The following CACNA2D3 variants were observed in gnomAD, a reference collection of about 807,000 sequenced individuals.
CACNA2D3 encodes the protein calcium voltage-gated channel auxiliary subunit alpha2delta 3, also known as voltage-dependent calcium channel subunit alpha-2/delta-3.
CACNA2D3 carries 60 observed loss-of-function variants against 160.6 expected under a neutral mutation model. That is an observed-to-expected ratio of 0.37 (90% CI 0.30 to 0.46). CACNA2D3 has a LOEUF of 0.46. CACNA2D3 is among the 20% of genes least tolerant of loss of function. CACNA2D3 has a pLI of 1.00. For missense variants in CACNA2D3, 1,205 were observed against 1,365.0 expected, an observed-to-expected ratio of 0.88 and a Z score of 1.85; for synonymous variants, 558 against 492.9, an observed-to-expected ratio of 1.13 and a Z score of -1.75.
Position 54,312,788 on chromosome 3 carries a change from T to G in CACNA2D3, c.205-7654T>G, listed in dbSNP as rs1703769879. Among the ~76,000 whole-genome samples, 3 of 152,188 alleles carry G rather than the reference T, an allele frequency of 2.0e-5. No individual in the cohort carries two copies. In the East Asian group the frequency reaches 5.8e-4, roughly 29 times the overall value. On this transcript the variant is annotated intron_variant, in intron 2 of 37. Coordinates refer to ENST00000474759, the MANE Select transcript of CACNA2D3 (RefSeq NM_018398.3). ...TTTGTGACAGAGAGAATACAAAGTT[T>G]CTCAGGCTTGCCTTTCTTCCATGTC... is the stretch of plus-strand genomic sequence containing the variant.
At chr3:54,510,645 A>C (rs564045612) in intron 5 of CACNA2D3, among the ~76,000 whole-genome samples, 19 of 152,256 alleles carry the variant, frequency 1.2e-4, no homozygotes, top group Non-Finnish European at 1.9e-4. Context: ...TCCCAGAGCT[A>C]TCAAGGAGTC....
chr3:54,290,351 A>G (rs1559910836), intron 2 of CACNA2D3, among the ~76,000 whole-genome samples: 2 of 152,194 alleles, frequency 1.3e-5, no homozygotes, highest in Admixed American at 6.5e-5. Flanking sequence ...AATCAAAACC[A>G]CATTGAGATA....
At chr3:54,334,528 G>A (rs564229496) in intron 3 of CACNA2D3, among the ~76,000 whole-genome samples, 6 of 152,306 alleles carry the variant, frequency 3.9e-5, no homozygotes, top group South Asian at 4.1e-4. Context: ...CACTGACAGT[G>A]AGACCTGAAC....
At chr3:54,559,888 C>T (rs968329330) in intron 5 of CACNA2D3, among the ~76,000 whole-genome samples, 2 of 152,162 alleles carry the variant, frequency 1.3e-5, no homozygotes, top group Non-Finnish European at 2.9e-5. Context: ...GGATAATGGC[C>T]TGCAGTTCCA....
intron 3 of CACNA2D3, among the ~76,000 whole-genome samples, chr3:54,380,876 A>C (rs559753343): frequency 4.6e-5 from 7 of 152,308 alleles, no homozygotes; most frequent in African/African-American, 1.7e-4. Context: ...TTGTTGATTC[A>C]AAGGAAAAGT....
intron 11 of CACNA2D3, among the ~76,000 whole-genome samples, chr3:54,652,739 A>T (rs1699796657): frequency 1.4e-5 from 2 of 144,342 alleles, no homozygotes; most frequent in Non-Finnish European, 3.0e-5. Flanking sequence ...GCACAGTGAG[A>T]TGTTGGGATG....
At chr3:55,000,469 A>G (rs1179529613) in intron 31 of CACNA2D3, among the ~76,000 whole-genome samples, 2 of 152,238 alleles carry the variant, frequency 1.3e-5, no homozygotes, top group Non-Finnish European at 2.9e-5. Flanking sequence ...CTTAAAACCT[A>G]GATGATGGGT....
chr3:54,150,671 A>G (rs1188612417), intron 2 of CACNA2D3, among the ~76,000 whole-genome samples: 3 of 152,266 alleles, frequency 2.0e-5, no homozygotes, highest in Non-Finnish European at 4.4e-5. Flanking sequence ...GCCATGGTCA[A>G]ATTACCCTGG....
chr3:54,335,463 A>T (rs1228865518), intron 3 of CACNA2D3, among the ~76,000 whole-genome samples: 3 of 152,210 alleles, frequency 2.0e-5, no homozygotes, highest in Non-Finnish European at 4.4e-5. Flanking sequence ...TGACATTGCC[A>T]TGGCATTTGT....
At chr3:54,781,715 T>G (rs1445367939) in intron 13 of CACNA2D3, among the ~76,000 whole-genome samples, 2 of 152,238 alleles carry the variant, frequency 1.3e-5, no homozygotes, top group African/African-American at 4.8e-5. Flanking sequence ...GTAACAAGTC[T>G]CAGGCCAATT....
At chr3:55,057,601 G>T (rs1044784808) in intron 35 of CACNA2D3, among the ~76,000 whole-genome samples, 6 of 152,250 alleles carry the variant, frequency 3.9e-5, no homozygotes, top group Non-Finnish European at 8.8e-5. Context: ...AGGGATCTTA[G>T]AAATCACTTA....
At chr3:54,883,996 C>T (rs78946838) in intron 21 of CACNA2D3, among the ~76,000 whole-genome samples, 3,483 of 152,074 alleles carry the variant, frequency 0.023, 128 homozygotes, top group African/African-American at 0.079. Flanking sequence ...CAGTAATTTT[C>T]GTTTTGTTTT....
At chr3:54,730,255 T>A (rs1195187216) in intron 11 of CACNA2D3, among the ~76,000 whole-genome samples, 1 of 152,106 alleles carries the variant, frequency 6.6e-6, no homozygotes, top group Non-Finnish European at 1.5e-5. Context: ...CTACTGAAAT[T>A]GCCCAGAGAA....
At chr3:54,478,819 G>A (rs1359340805) in intron 4 of CACNA2D3, among the ~76,000 whole-genome samples, 1 of 150,280 alleles carries the variant, frequency 6.7e-6, no homozygotes, top group Admixed American at 6.6e-5. Flanking sequence ...TGGTATGGCA[G>A]TGCTTATGTT....
At chr3:54,315,492 TG>T (rs1374956209) in intron 2 of CACNA2D3, among the ~76,000 whole-genome samples, 1 of 152,194 alleles carries the variant, frequency 6.6e-6, no homozygotes, top group African/African-American at 2.4e-5. Context: ...GGTAGTAAAA[TG>T]GGTCCTCTGA....
chr3:54,669,406 G>A (rs752150165), intron 11 of CACNA2D3, among the ~76,000 whole-genome samples: 5 of 152,094 alleles, frequency 3.3e-5, no homozygotes, highest in African/African-American at 7.2e-5. Context: ...ACCTAATATC[G>A]AGTCAGGATG....
At position 55,044,514 on chromosome 3, in the gene CACNA2D3, A is replaced by G. The variant is rs571953974; in HGVS notation, c.2987+26197A>G. Among the ~76,000 whole-genome samples, 5 of 152,160 alleles carry G rather than the reference A, an allele frequency of 3.3e-5. 1 individual carries two copies. The highest frequency in any genetic ancestry group is 2.0e-4 in the Admixed American group (3 of 15,278). ...TTTTTATAGCATCTTAGACTATTCT[A>G]TGTAGACAGATTATATCGTATGTGC... On this transcript the variant is annotated intron_variant, in intron 35 of 37. Transcript: ENST00000474759.
At chr3:54,454,841 A>C (rs914440987) in intron 4 of CACNA2D3, among the ~76,000 whole-genome samples, 3 of 152,080 alleles carry the variant, frequency 2.0e-5, no homozygotes, top group Admixed American at 1.3e-4. Context: ...GTGAGAATAC[A>C]CAGCATTTGT....
chr3:54,666,481 C>G (rs752889740), intron 11 of CACNA2D3, among the ~76,000 whole-genome samples: 1 of 152,140 alleles, frequency 6.6e-6, no homozygotes, highest in Non-Finnish European at 1.5e-5. Flanking sequence ...TTCATTGGAG[C>G]GTTACTGCCT....
Sources: gnomAD v4.1 joint callset for allele counts (sites outside exome capture counted in the v4.1 genomes callset) on GRCh38, gnomAD v4.1.1 for gene constraint, MANE v1.5 for transcripts, NCBI Gene and HGNC (gene_info 2026-07-23, HGNC 2026-07-21) for gene names.